Variants in ANKRD18B observed in about 807,000 individuals in gnomAD.
The protein encoded by ANKRD18B is ankyrin repeat domain 18B.
ANKRD18B carries 75 observed loss-of-function variants against 111.8 expected under a neutral mutation model. That is an observed-to-expected ratio of 0.67 (90% CI 0.56 to 0.81). The LOEUF (loss-of-function observed/expected upper bound fraction) is 0.81. Among genes scored for constraint, ANKRD18B ranks in the 40% least tolerant of loss-of-function variants. The pLI, the probability that ANKRD18B is intolerant of heterozygous loss-of-function variation, is 0.00. For synonymous variants in ANKRD18B, 356 were observed against 417.3 expected (o/e 0.85, Z 1.79); for missense variants, 1,038 against 1,225.5 (o/e 0.85, Z 2.28).
intron 14 of ANKRD18B, among the ~76,000 whole-genome samples, chr9:33,559,324 G>A (rs1288877487): frequency 2.0e-5 from 3 of 152,036 alleles, no homozygotes; most frequent in African/African-American, 7.2e-5. Flanking sequence ...AGCTTTGTAC[G>A]GCCATTTCAA....
chr9:33,533,572 C>G, intron 4 of ANKRD18B, 27 bp downstream of exon 4: 1 of 1,525,758 alleles, frequency 6.6e-7, no homozygotes, highest in Non-Finnish European at 8.8e-7. Context: ...TTTCTGTTTT[C>G]TTTTTTCCTA....
chr9:33,524,448 G>T lies in ANKRD18B; in HGVS notation c.-42G>T. On this transcript the variant is annotated 5_prime_UTR_variant, in exon 1 of 19. Transcript: ENST00000684830. Reference sequence around the variant, plus strand: ...GGTGGAAAGGCCACGAGGAGCCGCGGCGTCTCAGGAGCGGGTGGTGGGCAT... The same window carrying T: ...GGTGGAAAGGCCACGAGGAGCCGCGTCGTCTCAGGAGCGGGTGGTGGGCAT... 1 of 1,504,150 alleles carries T rather than the reference G, an allele frequency of 6.6e-7. No individual in the cohort carries two copies. The highest frequency in any genetic ancestry group is 2.3e-5 in the Admixed American group (1 of 43,174). The allele number at this position is 1,504,150 out of a possible 1,614,324, so 93.2% of individuals were successfully genotyped here. A position where few individuals can be genotyped will look rare whatever the true frequency, so the allele number is the denominator to read the frequency against.
intron 17 of ANKRD18B, among the ~76,000 whole-genome samples, chr9:33,569,556 A>C (rs188709466): frequency 4.5e-4 from 69 of 152,144 alleles, no homozygotes; most frequent in African/African-American, 1.6e-3. Flanking sequence ...CTCTGTGCCC[A>C]GCCCATACTA....
At position 33,548,465 on chromosome 9, in the gene ANKRD18B, T is replaced by A; in HGVS notation, c.1677T>A (p.Gly559=). The change falls in exon 11 of 19, where the codon GGT becomes GGA. Residue 559 remains glycine (G), a synonymous_variant. Transcript: ENST00000684830. ...KARVKFNTLK[G]KLRETRDALR... ...GGGTGAAGTTCAATACCTTAAAAGGTAAGCTCCGTGAGACAAGAGATGCTC... is the reference window on the plus strand; with the variant it reads ...GGGTGAAGTTCAATACCTTAAAAGGAAAGCTCCGTGAGACAAGAGATGCTC... The A allele has an allele frequency of 6.4e-7, 1 of 1,551,250 alleles. No homozygotes were observed. Among genetic ancestry groups the A allele is most frequent in the Non-Finnish European group, 8.7e-7 (1 of 1,146,670 alleles).
chr9:33,566,400 A>G lies in ANKRD18B; in HGVS notation c.2642A>G (p.Glu881Gly). ...GTATTAAATCTTAAGACACATATGG[A>G]AAAAGATATGGTAGAACTTGGTAAA... ...EKVLNLKTHM[E>G]KDMVELGKVQ... The change falls in exon 15 of 19, where the codon GAA (glutamate) becomes GGA (glycine). Residue 881 changes from glutamate (E) to glycine (G), a missense_variant. This residue lies in a region of ANKRD18B where 524 missense variants were observed against 677.9 expected (regional missense o/e 0.77). Transcript: ENST00000684830. The G allele has an allele frequency of 6.2e-7, 1 of 1,605,080 alleles. No individual in the cohort carries two copies. Among genetic ancestry groups the G allele is most frequent in the Non-Finnish European group, 8.5e-7 (1 of 1,175,164 alleles).
At chr9:33,553,646 A>G (rs1828479515) in intron 12 of ANKRD18B, among the ~76,000 whole-genome samples, 1 of 152,302 alleles carries the variant, frequency 6.6e-6, no homozygotes, top group East Asian at 1.9e-4. Context: ...CTTCCCAATG[A>G]CATAGTTGAG....
At chr9:33,566,535 T>C in intron 15 of ANKRD18B, 35 bp downstream of exon 15, 2 of 1,585,410 alleles carry the variant, frequency 1.3e-6, no homozygotes, top group African/African-American at 1.4e-5. Context: ...TTATCTGTAA[T>C]GGGCTTTCAT....
chr9:33,550,108 T>G (rs1460289510), intron 11 of ANKRD18B, among the ~76,000 whole-genome samples: 1 of 152,148 alleles, frequency 6.6e-6, no homozygotes, highest in Admixed American at 6.6e-5. Flanking sequence ...AATTTTACTT[T>G]TATTCTGAGG....
At chr9:33,550,815 G>C (rs1444955438) in intron 12 of ANKRD18B, among the ~76,000 whole-genome samples, 1 of 152,118 alleles carries the variant, frequency 6.6e-6, no homozygotes, top group African/African-American at 2.4e-5. Context: ...TGGGAAAGTT[G>C]AGAATGATAC....
downstream of ANKRD18B, chr9:33,573,255 C>G: frequency 1.0e-6 from 1 of 985,252 alleles, no homozygotes; most frequent in Non-Finnish European, 1.2e-6. Context: ...CTCACTAGTC[C>G]CCAACAGAAG....
intron 14 of ANKRD18B, among the ~76,000 whole-genome samples, chr9:33,559,500 G>C (rs1828575425): frequency 6.6e-6 from 1 of 152,084 alleles, no homozygotes; most frequent in Admixed American, 6.5e-5. Context: ...GATGAGATTT[G>C]ATTGTTTGAA....
At chr9:33,561,844 T>C (rs1429895925) in intron 14 of ANKRD18B, among the ~76,000 whole-genome samples, 3 of 152,246 alleles carry the variant, frequency 2.0e-5, no homozygotes, top group Non-Finnish European at 4.4e-5. Context: ...TATTTTTAGA[T>C]TATCAATTCT....
intron 5 of ANKRD18B, among the ~76,000 whole-genome samples, chr9:33,535,435 G>A (rs1828182515): frequency 6.6e-6 from 1 of 151,766 alleles, no homozygotes. Flanking sequence ...ACAGGCACCC[G>A]CCACCATCCC....
At chr9:33,528,247 G>A (rs1828055320) in intron 1 of ANKRD18B, among the ~76,000 whole-genome samples, 1 of 152,200 alleles carries the variant, frequency 6.6e-6, no homozygotes, top group Admixed American at 6.5e-5. Flanking sequence ...GCTGCAGTGA[G>A]GCATAAATAC....
chr9:33,535,309 G>A (rs1178727462), intron 5 of ANKRD18B, among the ~76,000 whole-genome samples: 2 of 152,018 alleles, frequency 1.3e-5, no homozygotes, highest in East Asian at 3.9e-4. Flanking sequence ...TTTTCGAGAT[G>A]GAGTCTTGCT....
Position 33,548,749 on chromosome 9 carries a change from A to G in ANKRD18B, c.1961A>G (p.Asn654Ser), listed in dbSNP as rs1311694340. 6.4e-7 allele frequency: 1 copy of G among 1,550,624 alleles called. No individual in the cohort carries two copies. Among genetic ancestry groups the G allele is most frequent in the Non-Finnish European group, 8.7e-7 (1 of 1,146,492 alleles). Residue 654 changes from asparagine (N) to serine (S), a missense_variant, in exon 11 of 19, where the codon AAT (asparagine) becomes AGT (serine). Coordinates refer to ENST00000684830, the MANE Select transcript of ANKRD18B (RefSeq NM_001393611.1). Reference protein sequence around the residue: ...VINIHRDCLENGKEDLLEERN... With the variant: ...VINIHRDCLESGKEDLLEERN... ...AATATCCACAGAGACTGTCTTGAGA[A>G]TGGAAAGGAAGATCTTCTAGAAGAA...
intron 9 of ANKRD18B, among the ~76,000 whole-genome samples, chr9:33,541,435 G>GCAA (rs1828278039): frequency 6.6e-6 from 1 of 152,172 alleles, no homozygotes; most frequent in Non-Finnish European, 1.5e-5. Flanking sequence ...GGGAACGGTG[G>GCAA]CTCCTGCCTG....
chr9:33,562,432 G>C (rs1828620850), intron 14 of ANKRD18B, among the ~76,000 whole-genome samples: 1 of 152,066 alleles, frequency 6.6e-6, no homozygotes, highest in Non-Finnish European at 1.5e-5. Context: ...CACGGTTTCT[G>C]TATTGACCTC....
At chr9:33,558,289 C>T (rs1040210997) in intron 14 of ANKRD18B, 102 bp downstream of exon 14, 101 of 1,301,240 alleles carry the variant, frequency 7.8e-5, no homozygotes, top group Non-Finnish European at 1.0e-4. Context: ...GTTTGCTGCA[C>T]GTATCAATCC....
Sources: gnomAD v4.1 joint callset for allele counts (sites outside exome capture counted in the v4.1 genomes callset) on GRCh38, gnomAD v4.1.1 for gene constraint, gnomAD v4.1.1 regional missense constraint, MANE v1.5 for transcripts, NCBI Gene and HGNC (gene_info 2026-07-23, HGNC 2026-07-21) for gene names.